Variants in CD5L observed in about 807,000 individuals in gnomAD.
CD5L encodes the protein CD5 molecule like, also known as CD5 antigen-like.
Under a neutral mutation model 40.8 loss-of-function variants are expected in CD5L, and 39 were observed. The ratio of observed to expected loss-of-function variants is 0.96; its 90% CI spans 0.74 to 1.25. The LOEUF is 1.25. Among genes scored for constraint, CD5L ranks in the 50% most tolerant of loss-of-function variants. The pLI is 0.00. For missense variants in CD5L, 433 were observed against 435.9 expected (o/e 0.99, Z 0.06); for synonymous variants, 192 against 169.6 (o/e 1.13, Z -1.03).
chr1:157,833,236 A>C lies in CD5L; in HGVS notation c.995T>G (p.Phe332Cys), dbSNP rs1357723188. The change falls in exon 5 of 6, where the codon TTT becomes TGT. Residue 332 changes from phenylalanine to cysteine, a missense_variant. Transcript: ENST00000368174. ...ATCTTCCTGGTGGGTGCAGTCGTGA[A>C]ACCCCCAAAATCTGTGCTGGCACTG... ...LEQCQHRFWG[F>C]HDCTHQEDVA... The C allele has an allele frequency of 1.4e-5, 22 of 1,614,022 alleles. No homozygotes were observed. Among genetic ancestry groups the C allele is most frequent in the Non-Finnish European group, 1.8e-5 (21 of 1,180,040 alleles).
chr1:157,827,360 A>G (rs1007067369), downstream of CD5L, among the ~76,000 whole-genome samples: 1 of 151,170 alleles, frequency 6.6e-6, no homozygotes, highest in Non-Finnish European at 1.5e-5. Context: ...GAGGCTGGGA[A>G]TCTGCTGTGT....
At chr1:157,836,256 G>A in intron 2 of CD5L, 101 bp from the exon 3 acceptor site, 1 of 946,508 alleles carries the variant, frequency 1.1e-6, no homozygotes, top group Non-Finnish European at 1.6e-6. Context: ...TTCAAATGGT[G>A]CAGAGTGTTG....
At chr1:157,838,539 T>A (rs1656280416) in intron 2 of CD5L, among the ~76,000 whole-genome samples, 1 of 150,380 alleles carries the variant, frequency 6.6e-6, no homozygotes, top group Admixed American at 6.6e-5. Context: ...AAAATAGCCA[T>A]GGGAAAGAAG....
At position 157,834,287 on chromosome 1, in the gene CD5L, G is replaced by T. The variant is rs142727725; in HGVS notation, c.718+120C>A. The T allele has an allele frequency of 8.8e-4, 685 of 782,062 alleles. 3 individuals carry two copies. In the African/African-American group the frequency reaches 0.011, roughly 12 times the overall value. 48.4% of individuals were successfully genotyped at this position (782,062 alleles called of 1,614,324 possible). A position where few individuals can be genotyped will look rare whatever the true frequency, so the allele number is the denominator to read the frequency against. On this transcript the variant is annotated intron_variant, in intron 4 of 5. Transcript: ENST00000368174. ...AACAAAGGAATTAATTATCTGCCCA[G>T]TTAAATAAGTTTGCAATGGTCCTTT...
At chr1:157,838,583 A>T (rs1378997858) in intron 2 of CD5L, among the ~76,000 whole-genome samples, 1 of 152,122 alleles carries the variant, frequency 6.6e-6, no homozygotes, top group Non-Finnish European at 1.5e-5. Context: ...AAAAATAAGT[A>T]AACAAGAAAT....
At chr1:157,834,282 G>T (rs1656129882) in intron 4 of CD5L, 125 bp downstream of exon 4, 3 of 746,114 alleles carry the variant, frequency 4.0e-6, no homozygotes, top group East Asian at 2.7e-5. Flanking sequence ...TTAATTATCT[G>T]CCCAGTTAAA....
chr1:157,827,174 A>T (rs1190239852), downstream of CD5L, among the ~76,000 whole-genome samples: 2 of 152,092 alleles, frequency 1.3e-5, no homozygotes, highest in Non-Finnish European at 2.9e-5. Flanking sequence ...CAATTCAGAA[A>T]ATTTATCCTT....
At chr1:157,841,575 A>C in intron 1 of CD5L, 99 bp downstream of exon 1, 1 of 1,050,800 alleles carries the variant, frequency 9.5e-7, no homozygotes, top group Non-Finnish European at 1.4e-6. Context: ...CATCCTTGAA[A>C]AACATCTAAA....
In CD5L at chr1:157,834,475, T is replaced by C. The variant is rs1656139692; in HGVS notation, c.650A>G (p.Asp217Gly). ...SCSGREATLQ[D>G]CPSGPWGKNT... ...CTTCCCCCAAGGCCCAGAAGGGCAA[T>C]CCTGAAGGGTTGCTTCTCGTCCTGA... The change falls in exon 4 of 6, where the codon GAT becomes GGT. Residue 217 changes from aspartate to glycine, a missense_variant. Physicochemically the swap from Asp to Gly is moderately conservative, Grantham distance 94 (BLOSUM62 -1). Transcript: ENST00000368174. 1 of 1,614,226 alleles carries C rather than the reference T, an allele frequency of 6.2e-7. No individual in the cohort carries two copies. Among genetic ancestry groups the C allele is most frequent in the Non-Finnish European group, 8.5e-7 (1 of 1,180,042 alleles).
downstream of CD5L, among the ~76,000 whole-genome samples, chr1:157,828,424 G>A (rs958499467): frequency 3.3e-5 from 5 of 152,012 alleles, no homozygotes; most frequent in Admixed American, 6.6e-5. Context: ...TCAAGTGCCC[G>A]CATGTCTTAG....
At chr1:157,838,292 T>C (rs2101940418) in intron 2 of CD5L, among the ~76,000 whole-genome samples, 1 of 152,320 alleles carries the variant, frequency 6.6e-6, no homozygotes, top group East Asian at 1.9e-4. Flanking sequence ...TTAAGGCTTA[T>C]AGATCTGGGT....
downstream of CD5L, among the ~76,000 whole-genome samples, chr1:157,828,575 G>A (rs1655963356): frequency 6.6e-6 from 1 of 152,074 alleles, no homozygotes; most frequent in Non-Finnish European, 1.5e-5. Flanking sequence ...TCCTTGGTGA[G>A]AATATTTTGA....
chr1:157,838,669 C>A (rs1656285325), intron 2 of CD5L, among the ~76,000 whole-genome samples: 1 of 151,922 alleles, frequency 6.6e-6, no homozygotes, highest in Non-Finnish European at 1.5e-5. Context: ...AACAGAAGGG[C>A]TAATCTGAAT....
chr1:157,828,180 T>G (rs1200355234), downstream of CD5L, among the ~76,000 whole-genome samples: 1 of 152,086 alleles, frequency 6.6e-6, no homozygotes, highest in East Asian at 1.9e-4. Flanking sequence ...ATCCTTGCAA[T>G]GCCCTAGGAG....
rs996365307 is a variant in CD5L at position 157,834,716 on chromosome 1, C to G, written c.409G>C (p.Gly137Arg). The G allele has an allele frequency of 2.5e-6, 4 of 1,613,872 alleles. No individual in the cohort carries two copies. The highest frequency in any genetic ancestry group is 3.4e-6 in the Non-Finnish European group (4 of 1,179,908). Residue 137 changes from glycine to arginine, a missense_variant, in exon 4 of 6, where the codon GGT becomes CGT. By Grantham distance (125) the Gly-to-Arg change is moderately radical. Transcript: ENST00000368174. Reference protein sequence around the residue: ...PESSFSPVPEGVRLADGPGHC... With the variant: ...PESSFSPVPERVRLADGPGHC... ...CCAGGGCCGTCAGCCAGCCTGACACCCTCTGGGACTGGGGAGAAAGAGCTC... is the reference window on the plus strand; with the variant it reads ...CCAGGGCCGTCAGCCAGCCTGACACGCTCTGGGACTGGGGAGAAAGAGCTC...
At chr1:157,839,457 AT>A (rs772912593) in intron 1 of CD5L, 47 bp from the exon 2 acceptor site, 5 of 1,602,390 alleles carry the variant, frequency 3.1e-6, no homozygotes, top group Non-Finnish European at 3.4e-6. Context: ...CCAAGGCTTT[AT>A]TCAAAGAACA....
chr1:157,841,469 G>GA (rs1043394555), intron 1 of CD5L, among the ~76,000 whole-genome samples: 1 of 152,056 alleles, frequency 6.6e-6, no homozygotes, highest in South Asian at 2.1e-4. Context: ...TAAGAAAATA[G>GA]AAAAAAATCT....
At chr1:157,836,849 G>A (rs939842343) in intron 2 of CD5L, among the ~76,000 whole-genome samples, 14 of 152,218 alleles carry the variant, frequency 9.2e-5, no homozygotes, top group African/African-American at 2.9e-4. Context: ...AGCCCCAAGA[G>A]TTTGGTCTAA....
rs1419517217 is a variant in CD5L at position 157,831,348 on chromosome 1, G to A, written c.*616C>T. The A allele has an allele frequency of 1.0e-6, 1 of 985,074 alleles. No individual in the cohort carries two copies. 61.0% of individuals were successfully genotyped at this position (985,074 alleles called of 1,614,324 possible). A position where few individuals can be genotyped will look rare whatever the true frequency, so the allele number is the denominator to read the frequency against. On this transcript the variant is annotated 3_prime_UTR_variant, in exon 6 of 6. Coordinates refer to ENST00000368174, the MANE Select transcript of CD5L (RefSeq NM_005894.3). ...CGTCATGAAAAGGTCTAGGATTATA[G>A]GACGCTGCTCTGCTCCTGAAAGAAT... is the stretch of plus-strand genomic sequence containing the variant.
Sources: allele counts gnomAD v4.1 joint callset (sites outside exome capture counted in the v4.1 genomes callset), GRCh38; gene constraint gnomAD v4.1.1; transcripts MANE v1.5; gene names NCBI Gene and HGNC (gene_info 2026-07-23, HGNC 2026-07-21).